SPOPL: variants seen among roughly 807,000 people sequenced by gnomAD.
SPOPL encodes the protein speckle-type POZ protein-like.
SPOPL carries 23 observed loss-of-function variants against 53.8 expected under a neutral mutation model. The observed-to-expected ratio is 0.43, with a 90% CI of 0.31 to 0.61. The LOEUF (loss-of-function observed/expected upper bound fraction) is 0.61. Ranked by LOEUF, SPOPL falls within the 20% of genes least tolerant of loss-of-function variation. SPOPL has a pLI of 0.12. For missense variants in SPOPL, 442 were observed against 466.9 expected, an observed-to-expected ratio of 0.95 and a Z score of 0.49; for synonymous variants, 164 against 149.7, an observed-to-expected ratio of 1.10 and a Z score of -0.70.
At chr2:138,503,245 T>G (rs902936212) in intron 1 of SPOPL, among the ~76,000 whole-genome samples, 16 of 152,252 alleles carry the variant, frequency 1.1e-4, no homozygotes, top group African/African-American at 3.4e-4. Flanking sequence ...TGTAAACCCT[T>G]GCTCTGCCAT....
At chr2:138,520,727 A>G (rs922642585) in intron 1 of SPOPL, among the ~76,000 whole-genome samples, 1 of 152,206 alleles carries the variant, frequency 6.6e-6, no homozygotes, top group Non-Finnish European at 1.5e-5. Context: ...TTTTAAAAAA[A>G]GAAGAGGCTG....
chr2:138,514,183 C>G (rs1318441669), intron 1 of SPOPL, among the ~76,000 whole-genome samples: 1 of 152,064 alleles, frequency 6.6e-6, no homozygotes, highest in Admixed American at 6.6e-5. Context: ...CTCAGGAGGT[C>G]CTAAAAACAT....
At chr2:138,549,529 A>G (rs948877876) in intron 1 of SPOPL, among the ~76,000 whole-genome samples, 4 of 152,172 alleles carry the variant, frequency 2.6e-5, no homozygotes, top group African/African-American at 7.2e-5. Context: ...TGGATACAGT[A>G]CAAGAACAGC....
chr2:138,507,054 T>A (rs1221180499), intron 1 of SPOPL, among the ~76,000 whole-genome samples: 3 of 152,184 alleles, frequency 2.0e-5, no homozygotes, highest in Non-Finnish European at 4.4e-5. Context: ...ATATTTTGAA[T>A]GCAACTGGGA....
intron 5 of SPOPL, among the ~76,000 whole-genome samples, chr2:138,556,718 T>C (rs1437787939): frequency 6.6e-6 from 1 of 152,184 alleles, no homozygotes; most frequent in Non-Finnish European, 1.5e-5. Context: ...ATTGGCAGAT[T>C]TATTTATTTA....
At chr2:138,557,683 TAGA>T (rs1685457347) in intron 5 of SPOPL, among the ~76,000 whole-genome samples, 1 of 152,218 alleles carries the variant, frequency 6.6e-6, no homozygotes, top group African/African-American at 2.4e-5. Context: ...TCCCAAAACT[TAGA>T]AGTTGAAAAC....
chr2:138,564,400 T>C (rs1386404029), intron 8 of SPOPL: 1 of 274,020 alleles, frequency 3.6e-6, no homozygotes, highest in Non-Finnish European at 6.9e-6. Flanking sequence ...TACACATTAG[T>C]GTTTGAAGTA....
At chr2:138,549,323 T>C (rs1424993345) in intron 1 of SPOPL, among the ~76,000 whole-genome samples, 1 of 152,148 alleles carries the variant, frequency 6.6e-6, no homozygotes, top group Non-Finnish European at 1.5e-5. Context: ...TAAAGTCTTG[T>C]TTTGTCTGTG....
At chr2:138,556,177 G>A (rs766285979) in intron 5 of SPOPL, among the ~76,000 whole-genome samples, 1 of 152,070 alleles carries the variant, frequency 6.6e-6, no homozygotes, top group Non-Finnish European at 1.5e-5. Flanking sequence ...AAAATTTGTG[G>A]TTGCTGTGAT....
chr2:138,532,536 C>T (rs1226721959), intron 1 of SPOPL, among the ~76,000 whole-genome samples: 2 of 148,740 alleles, frequency 1.3e-5, no homozygotes, highest in Non-Finnish European at 3.0e-5. Flanking sequence ...ACACCATTCT[C>T]CTGCATCAGC....
At chr2:138,551,129 G>T (rs1685306343) in intron 4 of SPOPL, 75 bp downstream of exon 4, 1 of 1,522,282 alleles carries the variant, frequency 6.6e-7, no homozygotes, top group African/African-American at 1.4e-5. Context: ...CCTTTACCTA[G>T]AAAAGTCTGG....
At chr2:138,550,443 T>TA in intron 2 of SPOPL, 40 bp from the exon 3 acceptor site, 1 of 1,596,482 alleles carries the variant, frequency 6.3e-7, no homozygotes, top group Non-Finnish European at 8.6e-7. Flanking sequence ...TTAAAAGTAT[T>TA]ACCGTCATCA....
At chr2:138,513,829 T>G (rs1448105904) in intron 1 of SPOPL, among the ~76,000 whole-genome samples, 1 of 152,034 alleles carries the variant, frequency 6.6e-6, no homozygotes, top group Non-Finnish European at 1.5e-5. Flanking sequence ...GTAAAAAAAT[T>G]AATTAGCATG....
At chr2:138,520,046 AG>A (rs1261351225) in intron 1 of SPOPL, among the ~76,000 whole-genome samples, 1 of 152,204 alleles carries the variant, frequency 6.6e-6, no homozygotes, top group East Asian at 1.9e-4. Flanking sequence ...TAAAGAGATA[AG>A]GTTAAATTAT....
chr2:138,538,052 T>C (rs987155861), intron 1 of SPOPL, among the ~76,000 whole-genome samples: 3 of 152,186 alleles, frequency 2.0e-5, no homozygotes, highest in African/African-American at 7.2e-5. Flanking sequence ...GATTTATAGT[T>C]TCATTCAACT....
chr2:138,538,843 A>ACCCATT (rs971499631), intron 1 of SPOPL, among the ~76,000 whole-genome samples: 21 of 151,792 alleles, frequency 1.4e-4, no homozygotes, highest in African/African-American at 5.1e-4. Flanking sequence ...GGTGTGCTGC[A>ACCCATT]CCCATTAACT....
At chr2:138,516,054 CA>C (rs369306418) in intron 1 of SPOPL, among the ~76,000 whole-genome samples, 1,677 of 151,642 alleles carry the variant, frequency 0.011, 35 homozygotes, top group African/African-American at 0.038. Context: ...AGCTAAAAAA[CA>C]AAAAAAACAG....
chr2:138,562,904 G>T (rs1458441244), intron 8 of SPOPL, among the ~76,000 whole-genome samples: 1 of 151,562 alleles, frequency 6.6e-6, no homozygotes, highest in East Asian at 1.9e-4. Flanking sequence ...TCTTAGCTGT[G>T]ACACCAAAAA....
intron 1 of SPOPL, among the ~76,000 whole-genome samples, chr2:138,510,685 C>T (rs559307543): frequency 6.6e-6 from 1 of 152,286 alleles, no homozygotes; most frequent in African/African-American, 2.4e-5. Context: ...ACTTCCTTCA[C>T]ATTAAAGTAT....
Sources: allele counts gnomAD v4.1 joint callset (sites outside exome capture counted in the v4.1 genomes callset), GRCh38; gene constraint gnomAD v4.1.1; transcripts MANE v1.5; gene names NCBI Gene and HGNC (gene_info 2026-07-23, HGNC 2026-07-21).